The following RFX3 variants were observed in gnomAD, a reference collection of about 807,000 sequenced individuals.
RFX3 encodes the protein regulatory factor X3, also known as transcription factor RFX3.
RFX3 carries 14 observed loss-of-function variants against 98.6 expected under a neutral mutation model. The observed-to-expected ratio is 0.14, with a 90% CI of 0.09 to 0.22. The LOEUF is 0.22. RFX3 is among the 10% of genes least tolerant of loss of function. RFX3 has a pLI of 1.00. For missense variants in RFX3, 639 were observed against 926.9 expected, an observed-to-expected ratio of 0.69 and a Z score of 4.03; for synonymous variants, 383 against 328.4, an observed-to-expected ratio of 1.17 and a Z score of -1.80.
chr9:3,281,985 C>T (rs1253453412), intron 7 of RFX3, among the ~76,000 whole-genome samples: 3 of 151,706 alleles, frequency 2.0e-5, no homozygotes, highest in African/African-American at 7.3e-5. Flanking sequence ...CATGCAAACA[C>T]AAAATATAAA....
intron 14 of RFX3, among the ~76,000 whole-genome samples, chr9:3,254,683 G>A (rs953279270): frequency 6.6e-5 from 10 of 152,052 alleles, no homozygotes; most frequent in Non-Finnish European, 1.3e-4. Context: ...GATTACAGGC[G>A]TGAGCCATCG....
In RFX3 at chr9:3,423,930, A is replaced by G. The variant is rs574668401; in HGVS notation, c.-8-28334T>C. Among the ~76,000 whole-genome samples the G allele has an allele frequency of 8.7e-4, 132 of 151,394 alleles. 3 individuals are homozygous for G. In the South Asian group the frequency reaches 0.024, roughly 28 times the overall value. ...TGGGAGGCCGAGGCGGGGGGACCACAAGGTCAGGAGATCGAGACCATCCCG... is the reference window on the plus strand; with the variant it reads ...TGGGAGGCCGAGGCGGGGGGACCACGAGGTCAGGAGATCGAGACCATCCCG... On this transcript the variant is annotated intron_variant, in intron 1 of 16. Transcript: ENST00000617270.
At position 3,449,883 on chromosome 9, in the gene RFX3, A is replaced by C. The variant is rs1276654447; in HGVS notation, c.-8-54287T>G. ...ACCCTGTCTCAATAAAAAAAAAAGA[A>C]AAGAAAAAAAAAAAAAACCTAAGAC... On this transcript the variant is annotated intron_variant, in intron 1 of 16. Coordinates refer to ENST00000617270, the MANE Select transcript of RFX3 (RefSeq NM_001282116.2). Among the ~76,000 whole-genome samples the C allele has an allele frequency of 2.6e-5, 4 of 151,114 alleles. No individual in the cohort carries two copies. In the East Asian group the frequency reaches 7.7e-4, roughly 29 times the overall value.
At chr9:3,486,118 T>A (rs895799493) in intron 1 of RFX3, among the ~76,000 whole-genome samples, 1 of 114,722 alleles carries the variant, frequency 8.7e-6, no homozygotes, top group East Asian at 2.3e-4. Context: ...AAAGTGAAAC[T>A]GTCTCAAACC....
chr9:3,252,385 A>G (rs1277450022), intron 14 of RFX3, among the ~76,000 whole-genome samples: 1 of 152,228 alleles, frequency 6.6e-6, no homozygotes, highest in Non-Finnish European at 1.5e-5. Context: ...AAGAGATCCT[A>G]TAAATCAGGG....
intron 15 of RFX3, among the ~76,000 whole-genome samples, chr9:3,242,402 ATTG>A (rs757252564): frequency 2.6e-5 from 4 of 151,422 alleles, no homozygotes; most frequent in Non-Finnish European, 5.9e-5. Context: ...CTCTTCCATG[ATTG>A]TTTTTTTTTT....
At chr9:3,266,714 T>G (rs971196849) in intron 11 of RFX3, among the ~76,000 whole-genome samples, 3 of 152,052 alleles carry the variant, frequency 2.0e-5, no homozygotes, top group African/African-American at 7.2e-5. Context: ...CTTAATCTAT[T>G]TTCATTTCTT....
At chr9:3,271,536 TCTTTCTCTTTCTC>T (rs1824452877) in intron 9 of RFX3, among the ~76,000 whole-genome samples, 2 of 10,038 alleles carry the variant, frequency 2.0e-4, no homozygotes, top group Non-Finnish European at 7.1e-4. Flanking sequence ...TTTCTTTCTC[TCTTTCTCTTTCTC>T]TCTTTCTCTC....
intron 1 of RFX3, among the ~76,000 whole-genome samples, chr9:3,474,968 A>G (rs1479725748): frequency 6.6e-6 from 1 of 151,934 alleles, no homozygotes; most frequent in Non-Finnish European, 1.5e-5. Context: ...GTGTGGTGAC[A>G]CATGCCTATA....
At chr9:3,421,969 G>C (rs984142229) in intron 1 of RFX3, among the ~76,000 whole-genome samples, 1 of 151,474 alleles carries the variant, frequency 6.6e-6, no homozygotes, top group African/African-American at 2.4e-5. Flanking sequence ...ATATTTTCCT[G>C]GGGATCATGA....
At chr9:3,445,220 T>C (rs956281956) in intron 1 of RFX3, among the ~76,000 whole-genome samples, 2 of 146,322 alleles carry the variant, frequency 1.4e-5, no homozygotes, top group African/African-American at 4.9e-5. Flanking sequence ...TTTGTCTGTT[T>C]GTATTTTTCA....
At chr9:3,259,191 T>G (rs1169122153) in intron 13 of RFX3, among the ~76,000 whole-genome samples, 1 of 151,990 alleles carries the variant, frequency 6.6e-6, no homozygotes, top group Non-Finnish European at 1.5e-5. Context: ...CGTTGATAAT[T>G]GGAAGGAGAA....
Position 3,525,940 on chromosome 9 carries a change from GGGAGAGA to G in RFX3, c.-209_-203del. ...ATAACTCACAAAAGAGAGAGAGAGA[GGGAGAGA>G]GAGAGAGAGCGAGAGGGAGAGGGAG... On this transcript the variant is annotated 5_prime_UTR_variant, in exon 1 of 17. Coordinates refer to ENST00000617270, the MANE Select transcript of RFX3 (RefSeq NM_001282116.2). 1.1e-6 allele frequency: 1 copy of G among 914,766 alleles called. No individual in the cohort carries two copies. The highest frequency in any genetic ancestry group is 1.3e-6 in the Non-Finnish European group (1 of 767,172). The allele number at this position is 914,766 out of a possible 1,614,324, so 56.7% of individuals were successfully genotyped here.
chr9:3,470,069 C>A (rs1848640327), intron 1 of RFX3, among the ~76,000 whole-genome samples: 1 of 152,114 alleles, frequency 6.6e-6, no homozygotes, highest in Non-Finnish European at 1.5e-5. Flanking sequence ...AAATCAAACA[C>A]ATCTCAGATC....
chr9:3,303,915 A>G (rs1291357272), intron 4 of RFX3, among the ~76,000 whole-genome samples: 4 of 152,066 alleles, frequency 2.6e-5, no homozygotes, highest in Non-Finnish European at 5.9e-5. Flanking sequence ...AGATAACAAA[A>G]GGGGTATTTC....
At chr9:3,265,947 T>C (rs181433076) in intron 12 of RFX3, among the ~76,000 whole-genome samples, 16 of 152,224 alleles carry the variant, frequency 1.1e-4, no homozygotes, top group African/African-American at 3.8e-4. Context: ...ATATATCTAC[T>C]ATATTGTTTA....
At chr9:3,366,706 CTTTCTTT>C (rs1209695155) in intron 2 of RFX3, among the ~76,000 whole-genome samples, 7 of 88,800 alleles carry the variant, frequency 7.9e-5, no homozygotes, top group Admixed American at 2.4e-4. Context: ...TTCTTTCTTT[CTTTCTTT>C]CTTTCTTTCT....
chr9:3,384,735 C>T (rs1839527080), intron 2 of RFX3, among the ~76,000 whole-genome samples: 2 of 152,112 alleles, frequency 1.3e-5, no homozygotes, highest in African/African-American at 4.8e-5. Context: ...TTCATAAGCT[C>T]AAGATACCAA....
At position 3,228,082 on chromosome 9, in the gene RFX3, T is replaced by C. The variant is rs558499072; in HGVS notation, c.2011+765A>G. On this transcript the variant is annotated intron_variant, in intron 16 of 16. Transcript: ENST00000617270. ...AGACCTCCCACCCTCCGCCACCTTT[T>C]AAAAGAAAGGGCTCTGTTTCCTGCA... Among the ~76,000 whole-genome samples the C allele has an allele frequency of 3.3e-5, 5 of 152,304 alleles. No homozygotes were observed. The South Asian group carries it at 8.3e-4, about 25-fold the overall frequency.
Sources: gnomAD v4.1 joint callset for allele counts (sites outside exome capture counted in the v4.1 genomes callset) on GRCh38, gnomAD v4.1.1 for gene constraint, MANE v1.5 for transcripts, NCBI Gene and HGNC (gene_info 2026-07-23, HGNC 2026-07-21) for gene names.